CCDC102B: variants seen among roughly 807,000 people sequenced by gnomAD.
CCDC102B encodes the protein coiled-coil domain-containing protein 102B.
A neutral mutation model predicts 57.4 loss-of-function variants in CCDC102B; 75 were observed. The observed-to-expected ratio is 1.31, with a 90% CI of 1.08 to 1.58. The LOEUF (loss-of-function observed/expected upper bound fraction) is 1.58, where lower values mean the gene tolerates loss of function less well. Ranked by LOEUF, CCDC102B falls within the 40% of genes most tolerant of loss-of-function variation. The pLI, the probability that CCDC102B is intolerant of heterozygous loss-of-function variation, is 0.00. For missense variants in CCDC102B, 636 were observed against 582.6 expected (o/e 1.09, Z -0.94); for synonymous variants, 206 against 201.9 (o/e 1.02, Z -0.17).
chr18:68,993,419 A>G (rs1035593364), intron 6 of CCDC102B: 2 of 152,236 alleles, frequency 1.3e-5, no homozygotes, highest in Non-Finnish European at 2.9e-5. Context: ...TAAGAAGGAT[A>G]CATACAGTTA....
intron 7 of CCDC102B, among the ~76,000 whole-genome samples, chr18:69,016,026 CTTTT>C (rs68178005): frequency 2.3e-5 from 3 of 128,952 alleles, no homozygotes; most frequent in Non-Finnish European, 3.3e-5. Context: ...GGCTAATTTT[CTTTT>C]TTTTTTTTTT....
chr18:68,844,275 T>C (rs1472179102), intron 3 of CCDC102B, among the ~76,000 whole-genome samples: 1 of 151,864 alleles, frequency 6.6e-6, no homozygotes, highest in African/African-American at 2.4e-5. Context: ...TAGGTATTTT[T>C]CAAGTATGTT....
At chr18:68,777,803 C>T (rs1294396007) in intron 2 of CCDC102B, among the ~76,000 whole-genome samples, 1 of 151,838 alleles carries the variant, frequency 6.6e-6, no homozygotes, top group African/African-American at 2.4e-5. Context: ...GAACAGTTTC[C>T]TAAATATGTC....
chr18:68,899,700 AAT>A (rs2040370104), intron 6 of CCDC102B: 1 of 152,160 alleles, frequency 6.6e-6, no homozygotes, highest in African/African-American at 2.4e-5. Context: ...AATTGTAAAA[AAT>A]ATGTTAGGTT....
intron 5 of CCDC102B, among the ~76,000 whole-genome samples, chr18:68,875,899 C>T (rs564751670): frequency 2.0e-5 from 3 of 152,156 alleles, no homozygotes; most frequent in South Asian, 2.1e-4. Flanking sequence ...CAATGCCATC[C>T]GTTGACAGCT....
intron 7 of CCDC102B, among the ~76,000 whole-genome samples, chr18:69,035,946 C>CA (rs1316443313): frequency 6.6e-6 from 1 of 152,062 alleles, no homozygotes; most frequent in Non-Finnish European, 1.5e-5. Flanking sequence ...AAGGACACCC[C>CA]ACTGTGGATG....
chr18:68,812,951 C>A (rs61556911), intron 1 of CCDC102B, among the ~76,000 whole-genome samples: 1 of 151,560 alleles, frequency 6.6e-6, no homozygotes, highest in African/African-American at 2.4e-5. Context: ...AGAAGGGAAG[C>A]TGAGGTCAGA....
In CCDC102B at chr18:68,762,757, C is replaced by A. The variant is rs636231; in HGVS notation, c.-67+46163C>A. 8.5e-3 allele frequency among the ~76,000 whole-genome samples: 1,292 copies of A among 152,246 alleles called. 10 individuals are homozygous for A. The highest frequency in any genetic ancestry group is 0.043 in the East Asian group (221 of 5,174). ...ATGCTACTTTTGCTGATGCACCTCA[C>A]ACTGTAAACGTTACTGCCACAGTGC... On this transcript the variant is annotated intron_variant, in intron 2 of 3. Coordinates refer to the CCDC102B transcript ENST00000578970.
intron 2 of CCDC102B, among the ~76,000 whole-genome samples, chr18:68,725,784 C>T (rs1005925198): frequency 2.6e-5 from 4 of 152,306 alleles, no homozygotes; most frequent in Admixed American, 6.5e-5. Flanking sequence ...AGAGCAGTAA[C>T]TGGATTAGTT....
chr18:68,927,723 A>G (rs1306154912), intron 6 of CCDC102B, among the ~76,000 whole-genome samples: 1 of 151,944 alleles, frequency 6.6e-6, no homozygotes, highest in Non-Finnish European at 1.5e-5. Flanking sequence ...AAATTACCCA[A>G]TGCACTGTGA....
chr18:68,932,725 C>T (rs1476830817), intron 6 of CCDC102B, among the ~76,000 whole-genome samples: 1 of 151,866 alleles, frequency 6.6e-6, no homozygotes, highest in African/African-American at 2.4e-5. Flanking sequence ...CTTTGGTGTT[C>T]GATCTGTCCT....
exon 1 of CCDC102B, chr18:68,715,287 A>G (rs2031872282): frequency 8.0e-7 from 1 of 1,247,240 alleles, no homozygotes. Context: ...GGGCTTTACT[A>G]GGGAAAACGG....
intron 6 of CCDC102B, among the ~76,000 whole-genome samples, chr18:68,955,576 T>A (rs1055448307): frequency 5.9e-5 from 9 of 152,092 alleles, no homozygotes; most frequent in Non-Finnish European, 4.4e-5. Context: ...TTGTTAAAAT[T>A]CATTTCTGTT....
At chr18:69,013,202 G>T (rs970772655) in intron 7 of CCDC102B, among the ~76,000 whole-genome samples, 2 of 151,856 alleles carry the variant, frequency 1.3e-5, no homozygotes, top group Non-Finnish European at 2.9e-5. Flanking sequence ...CTACAAACAC[G>T]AATGAAATCA....
intron 6 of CCDC102B, among the ~76,000 whole-genome samples, chr18:68,941,436 C>T (rs12967235): frequency 0.56 from 84,896 of 151,786 alleles, 26,266 homozygotes; most frequent in Non-Finnish European, 0.68. Context: ...TTTTTCCAAA[C>T]ATTTCTGTAC....
intron 1 of CCDC102B, among the ~76,000 whole-genome samples, chr18:68,800,755 T>G (rs2035818475): frequency 6.6e-6 from 1 of 152,200 alleles, no homozygotes; most frequent in South Asian, 2.1e-4. Context: ...TATTATCAAA[T>G]AAAGGCATTG....
exon 1 of CCDC102B, chr18:68,715,285 C>A: frequency 7.9e-7 from 1 of 1,259,426 alleles, no homozygotes; most frequent in South Asian, 1.8e-5. Flanking sequence ...AAGGGCTTTA[C>A]TAGGGAAAAC....
intron 2 of CCDC102B, among the ~76,000 whole-genome samples, chr18:68,723,376 C>T (rs181139211): frequency 7.9e-5 from 12 of 152,252 alleles, no homozygotes; most frequent in African/African-American, 2.6e-4. Context: ...TTTCCCACAG[C>T]CCCCTACGTC....
At chr18:68,815,096 T>G (rs576047063) in intron 1 of CCDC102B, among the ~76,000 whole-genome samples, 1 of 152,300 alleles carries the variant, frequency 6.6e-6, no homozygotes, top group East Asian at 1.9e-4. Flanking sequence ...TCTATAATCA[T>G]ACAATAATAA....
Sources: allele counts gnomAD v4.1 joint callset (sites outside exome capture counted in the v4.1 genomes callset), GRCh38; gene constraint gnomAD v4.1.1; transcripts MANE v1.5; gene names NCBI Gene and HGNC (gene_info 2026-07-23, HGNC 2026-07-21).